ANO6: variants seen among roughly 807,000 people sequenced by gnomAD.
The protein encoded by ANO6 is anoctamin 6.
In ANO6, 106 loss-of-function variants were observed where a neutral mutation model predicts 117.5. The ratio of observed to expected loss-of-function variants is 0.90; its 90% confidence interval spans 0.77 to 1.06. ANO6 has a LOEUF of 1.06. Among genes scored for constraint, ANO6 ranks in the 50% least tolerant of loss-of-function variants. The pLI, the probability that ANO6 is intolerant of heterozygous loss-of-function variation, is 0.00. For missense variants in ANO6, 955 were observed against 1,121.1 expected, an observed-to-expected ratio of 0.85 and a Z score of 2.12; for synonymous variants, 367 against 385.1, an observed-to-expected ratio of 0.95 and a Z score of 0.55.
intron 1 of ANO6, among the ~76,000 whole-genome samples, chr12:45,227,350 G>C (rs955165122): frequency 1.3e-5 from 2 of 152,190 alleles, no homozygotes; most frequent in Non-Finnish European, 2.9e-5. Context: ...TAGGTAATTG[G>C]CTGCTGTTGA....
chr12:45,345,178 C>A (rs77982811), intron 3 of ANO6, among the ~76,000 whole-genome samples: 2,449 of 152,250 alleles, frequency 0.016, 61 homozygotes, highest in East Asian at 0.097. Flanking sequence ...AAGTACTGTA[C>A]AACCATTTAT....
At chr12:45,263,087 G>T (rs1938095944) in intron 1 of ANO6, among the ~76,000 whole-genome samples, 1 of 151,814 alleles carries the variant, frequency 6.6e-6, no homozygotes, top group Non-Finnish European at 1.5e-5. Flanking sequence ...TTTTTTTGCT[G>T]TTATAAATAA....
At chr12:45,277,076 C>T (rs1654825351) in intron 1 of ANO6, among the ~76,000 whole-genome samples, 4 of 152,056 alleles carry the variant, frequency 2.6e-5, no homozygotes, top group African/African-American at 9.7e-5. Flanking sequence ...CAGTTTTAGG[C>T]ATTATCTATT....
intron 1 of ANO6, among the ~76,000 whole-genome samples, chr12:45,283,725 G>T (rs969057362): frequency 6.6e-6 from 1 of 152,110 alleles, no homozygotes; most frequent in African/African-American, 2.4e-5. Flanking sequence ...GACAGGACTC[G>T]TAGTCTAAGC....
intron 1 of ANO6, among the ~76,000 whole-genome samples, chr12:45,259,283 T>C (rs980361556): frequency 6.6e-6 from 1 of 152,210 alleles, no homozygotes; most frequent in African/African-American, 2.4e-5. Flanking sequence ...GGTTTCTGTG[T>C]ATAGGGTTTA....
At chr12:45,257,635 T>C (rs1937882517) in intron 1 of ANO6, among the ~76,000 whole-genome samples, 1 of 152,206 alleles carries the variant, frequency 6.6e-6, no homozygotes, top group African/African-American at 2.4e-5. Context: ...TTCCCTGCCC[T>C]CCCCACCACA....
At chr12:45,320,792 C>G (rs1940237318) in intron 2 of ANO6, among the ~76,000 whole-genome samples, 1 of 152,164 alleles carries the variant, frequency 6.6e-6, no homozygotes, top group Admixed American at 6.5e-5. Context: ...CTTTATGAAT[C>G]TGGGTGCTCC....
At chr12:45,308,671 T>C (rs1425226445) in intron 2 of ANO6, among the ~76,000 whole-genome samples, 4 of 151,988 alleles carry the variant, frequency 2.6e-5, no homozygotes, top group Admixed American at 2.6e-4. Context: ...TTTAACCAAT[T>C]TGGAGAGTGA....
At position 45,255,818 on chromosome 12, in the gene ANO6, G is replaced by GTTTTTTTTTTTTTTTTTTTTTTTTTTTT. The variant is rs551517877; in HGVS notation, c.70+39447_70+39448insTTTTTTTTTTTTTTTTTTTTTTTTTTTT. ...CTGGCCCCAGGTTTTCTCCCTGGGT[G>GTTTTTTTTTTTTTTTTTTTTTTTTTTTT]TTTTTTTTTTTTTTTTTTTTGAGAC... is the stretch of plus-strand genomic sequence containing the variant. On this transcript the variant is annotated intron_variant, in intron 1 of 19. Transcript: ENST00000320560. Among the ~76,000 whole-genome samples, 11 of 81,690 alleles carry GTTTTTTTTTTTTTTTTTTTTTTTTTTTT rather than the reference G, an allele frequency of 1.3e-4. 1 individual carries two copies. Among genetic ancestry groups the GTTTTTTTTTTTTTTTTTTTTTTTTTTTT allele is most frequent in the African/African-American group, 4.9e-4 (11 of 22,238 alleles). 53.6% of individuals were successfully genotyped at this position (81,690 alleles called of 152,430 possible). A position where few individuals can be genotyped will look rare whatever the true frequency, so the allele number is the denominator to read the frequency against.
At chr12:45,289,622 A>G (rs1486778764) in intron 1 of ANO6, among the ~76,000 whole-genome samples, 1 of 152,228 alleles carries the variant, frequency 6.6e-6, no homozygotes, top group Admixed American at 6.5e-5. Flanking sequence ...TAGTATATCA[A>G]TTCTGATTTT....
intron 7 of ANO6, among the ~76,000 whole-genome samples, chr12:45,354,260 C>T (rs1464037710): frequency 6.6e-6 from 1 of 150,510 alleles, no homozygotes; most frequent in African/African-American, 2.5e-5. Context: ...GAAAATCATA[C>T]AAAGGATCAA....
At chr12:45,420,809 G>A (rs984637235) in intron 17 of ANO6, among the ~76,000 whole-genome samples, 3 of 107,200 alleles carry the variant, frequency 2.8e-5, no homozygotes, top group East Asian at 6.3e-4. Context: ...CCAGGAGTTC[G>A]AGACCAGGAG....
downstream of ANO6, among the ~76,000 whole-genome samples, chr12:45,434,806 C>T (rs554027571): frequency 3.9e-5 from 6 of 152,290 alleles, no homozygotes; most frequent in Middle Eastern, 3.4e-3. Flanking sequence ...TGTTTAAATG[C>T]TCTTTTCATT....
intron 9 of ANO6, among the ~76,000 whole-genome samples, chr12:45,372,517 C>T (rs1941873676): frequency 7.0e-6 from 1 of 142,070 alleles, no homozygotes; most frequent in African/African-American, 2.7e-5. Context: ...GATCTCTCGG[C>T]AGAAACCCTA....
chr12:45,295,804 G>A (rs184913771), intron 1 of ANO6, among the ~76,000 whole-genome samples: 81 of 151,320 alleles, frequency 5.4e-4, no homozygotes, highest in Non-Finnish European at 9.1e-4. Context: ...CAAGTGATCC[G>A]TCCACCTGGC....
chr12:45,235,886 T>C (rs947741321), intron 1 of ANO6, among the ~76,000 whole-genome samples: 13 of 151,988 alleles, frequency 8.6e-5, no homozygotes, highest in African/African-American at 3.1e-4. Context: ...CCTCCAGCTG[T>C]GAGCTGGGTG....
rs1395472979 is a variant in ANO6 at position 45,411,000 on chromosome 12, CTTAG to C, written c.2011+1521_2011+1524del. On this transcript the variant is annotated intron_variant, in intron 16 of 19. Transcript: ENST00000320560. The stretch of plus-strand genomic sequence containing the variant: ...CTGCAGTACATATGTAGAAGCTGTC[CTTAG>C]TTAGTTATTATTCTGCTGATTTTCA... 1.5e-4 allele frequency among the ~76,000 whole-genome samples: 23 copies of C among 152,142 alleles called. No homozygotes were observed. The East Asian group carries it at 2.9e-3, about 19-fold the overall frequency.
In ANO6 at chr12:45,227,675, C is replaced by G. The variant is rs80290567; in HGVS notation, c.70+11284C>G. Among the ~76,000 whole-genome samples, 414 of 152,030 alleles carry G rather than the reference C, an allele frequency of 2.7e-3. 10 individuals carry two copies. In the South Asian group the frequency reaches 0.05, roughly 18 times the overall value. On this transcript the variant is annotated intron_variant, in intron 1 of 19. Transcript: ENST00000320560. ...GAAACTGCTACTTTTAACTCCTGAT[C>G]ACTAAGTCTTTTCCCATCAAACATT...
chr12:45,244,113 A>G (rs937219264), intron 1 of ANO6, among the ~76,000 whole-genome samples: 4 of 152,212 alleles, frequency 2.6e-5, no homozygotes, highest in African/African-American at 9.6e-5. Flanking sequence ...AATATAATCT[A>G]AAATCATATT....
Sources: allele counts gnomAD v4.1 joint callset (sites outside exome capture counted in the v4.1 genomes callset), GRCh38; gene constraint gnomAD v4.1.1; transcripts MANE v1.5; gene names NCBI Gene and HGNC (gene_info 2026-07-23, HGNC 2026-07-21).